PCDH11X: variants seen among roughly 807,000 people sequenced by gnomAD.
The protein encoded by PCDH11X is protocadherin 11 X-linked, also known as protocadherin-11 X-linked.
PCDH11X carries 18 observed loss-of-function variants against 53.3 expected under a neutral mutation model. The observed-to-expected ratio is 0.34, with a 90% CI of 0.23 to 0.50. PCDH11X has a LOEUF of 0.50. Ranked by LOEUF, PCDH11X falls within the 20% of genes least tolerant of loss-of-function variation. The probability of loss-of-function intolerance (pLI) is 0.98; values close to 1 mark genes in which losing one functional copy is unlikely to be tolerated. For missense variants in PCDH11X, 570 were observed against 1,032.4 expected (o/e 0.55, Z 6.14); for synonymous variants, 279 against 393.3 (o/e 0.71, Z 3.44).
chrX:91,899,437 T>C (rs1356275174), intron 6 of PCDH11X, among the ~76,000 whole-genome samples: 1 of 111,005 alleles, frequency 9.0e-6, no homozygotes, highest in African/African-American at 3.3e-5. Context: ...CTGACTCAAA[T>C]GTTAATCTCC....
intron 6 of PCDH11X, among the ~76,000 whole-genome samples, chrX:92,176,614 C>T (rs963892913): frequency 1.8e-5 from 2 of 112,021 alleles, no homozygotes; most frequent in African/African-American, 6.5e-5. Flanking sequence ...ATATTCAGTG[C>T]CTCCTTCATA....
chrX:92,069,713 G>A (rs952452256), intron 6 of PCDH11X, among the ~76,000 whole-genome samples: 6 of 110,760 alleles, frequency 5.4e-5, no homozygotes, highest in African/African-American at 1.6e-4. Context: ...ACAAAGTCTC[G>A]CTCTGTCACC....
intron 9 of PCDH11X, among the ~76,000 whole-genome samples, chrX:92,454,756 G>T (rs2072876988): frequency 9.2e-6 from 1 of 108,730 alleles, no homozygotes; most frequent in South Asian, 4.0e-4. Flanking sequence ...GTTTGGCTTT[G>T]TTCCTTTTCA....
chrX:92,351,817 C>T (rs1367468594), intron 8 of PCDH11X, among the ~76,000 whole-genome samples: 22 of 111,747 alleles, frequency 2.0e-4, no homozygotes, highest in South Asian at 1.5e-3. Flanking sequence ...CACTGACTTA[C>T]TGACACAGCA....
At chrX:91,962,155 G>A (rs1316991278) in intron 6 of PCDH11X, among the ~76,000 whole-genome samples, 1 of 106,917 alleles carries the variant, frequency 9.4e-6, no homozygotes, top group Non-Finnish European at 1.9e-5. Flanking sequence ...GTCCTCCAAT[G>A]CCTTAACTTA....
chrX:92,014,786 G>GA (rs1303526948), intron 6 of PCDH11X, among the ~76,000 whole-genome samples: 15 of 111,017 alleles, frequency 1.4e-4, no homozygotes, highest in East Asian at 2.8e-4. Context: ...ATCGCAAGGA[G>GA]AAAAAACCAA....
intron 6 of PCDH11X, among the ~76,000 whole-genome samples, chrX:92,130,314 C>G (rs2064948457): frequency 9.0e-6 from 1 of 110,586 alleles, no homozygotes; most frequent in African/African-American, 3.3e-5. Context: ...TCTACTAGAT[C>G]AGTAGAAAAA....
At chrX:92,539,205 CTGTACTTT>C (rs1050289164) in intron 10 of PCDH11X, among the ~76,000 whole-genome samples, 2 of 109,642 alleles carry the variant, frequency 1.8e-5, no homozygotes, top group East Asian at 5.8e-4. Context: ...CCATCTCTTT[CTGTACTTT>C]TCTTTAAGGA....
At chrX:92,113,648 T>C in intron 6 of PCDH11X, 1 of 1,199,475 alleles carries the variant, frequency 8.3e-7, no homozygotes, top group Non-Finnish European at 1.1e-6. Flanking sequence ...GCCTGGGTGA[T>C]GGTCAGGGTT....
chrX:91,799,249 A>G (rs182518804), intron 1 of PCDH11X, among the ~76,000 whole-genome samples: 11 of 111,223 alleles, frequency 9.9e-5, no homozygotes, highest in African/African-American at 3.6e-4. Context: ...TTTCACTGAC[A>G]TTAAAAAAAG....
At chrX:91,950,627 A>G (rs1399397578) in intron 6 of PCDH11X, among the ~76,000 whole-genome samples, 3 of 92,908 alleles carry the variant, frequency 3.2e-5, no homozygotes, top group Non-Finnish European at 6.3e-5. Flanking sequence ...CATATATATC[A>G]CATTTTCTTT....
intron 10 of PCDH11X, among the ~76,000 whole-genome samples, chrX:92,526,439 ATAT>A (rs1193735127): frequency 9.6e-6 from 1 of 103,658 alleles, no homozygotes; most frequent in Non-Finnish European, 2.0e-5. Flanking sequence ...CAATAGGAAA[ATAT>A]TAATAATACC....
chrX:92,284,982 G>A (rs1337450353), intron 8 of PCDH11X, among the ~76,000 whole-genome samples: 3 of 111,301 alleles, frequency 2.7e-5, no homozygotes, highest in Non-Finnish European at 5.6e-5. Context: ...GACATTAAAA[G>A]CACTTTTTTC....
intron 10 of PCDH11X, among the ~76,000 whole-genome samples, chrX:92,558,276 T>A (rs2075076945): frequency 9.0e-6 from 1 of 110,872 alleles, no homozygotes; most frequent in Non-Finnish European, 1.9e-5. Flanking sequence ...GTTGTTTTTT[T>A]CCCTGCCCAT....
chrX:92,276,844 G>A (rs1002441552), intron 8 of PCDH11X, among the ~76,000 whole-genome samples: 11 of 111,540 alleles, frequency 9.9e-5, no homozygotes, highest in East Asian at 2.8e-4. Flanking sequence ...GCTGCCAAAC[G>A]AGTCATGAAC....
At chrX:92,293,383 G>C (rs1044031723) in intron 8 of PCDH11X, among the ~76,000 whole-genome samples, 1 of 110,359 alleles carries the variant, frequency 9.1e-6, no homozygotes, top group Non-Finnish European at 1.9e-5. Flanking sequence ...CCAGCACTTT[G>C]GGAGGCCAAG....
At chrX:92,540,400 G>A (rs2074735690) in intron 10 of PCDH11X, among the ~76,000 whole-genome samples, 1 of 107,051 alleles carries the variant, frequency 9.3e-6, no homozygotes, top group East Asian at 3.0e-4. Flanking sequence ...AAGACCAAGG[G>A]CTCTTCTAAG....
At chrX:91,801,027 A>T (rs1935915532) in intron 1 of PCDH11X, among the ~76,000 whole-genome samples, 1 of 107,920 alleles carries the variant, frequency 9.3e-6, no homozygotes, top group South Asian at 4.2e-4. Flanking sequence ...AAAAGTAAAA[A>T]AAATTAGCTG....
intron 6 of PCDH11X, among the ~76,000 whole-genome samples, chrX:91,985,139 G>A (rs2062208396): frequency 8.9e-6 from 1 of 111,934 alleles, no homozygotes; most frequent in East Asian, 2.8e-4. Flanking sequence ...TATGGGTTTT[G>A]TAGCAGGAGA....
Sources: allele counts gnomAD v4.1 joint callset (sites outside exome capture counted in the v4.1 genomes callset), GRCh38; gene constraint gnomAD v4.1.1; transcripts MANE v1.5; gene names NCBI Gene and HGNC (gene_info 2026-07-23, HGNC 2026-07-21).